Variants in MRC1 observed in about 807,000 individuals in gnomAD.
The protein encoded by MRC1 is mannose receptor C-type 1, also known as macrophage mannose receptor 1.
A neutral mutation model predicts 102.9 loss-of-function variants in MRC1; 62 were observed. That is an observed-to-expected ratio of 0.60 (90% CI 0.49 to 0.74). MRC1 has a LOEUF of 0.74. MRC1 is among the 30% of genes least tolerant of loss of function. The probability of loss-of-function intolerance (pLI) is 0.00; values close to 1 mark genes in which losing one functional copy is unlikely to be tolerated. For missense variants in MRC1, 1,237 were observed against 862.8 expected (o/e 1.43, Z -5.43); for synonymous variants, 457 against 298.4 (o/e 1.53, Z -5.48).
chr10:17,838,755 T>C (rs1838707669), intron 4 of MRC1, among the ~76,000 whole-genome samples: 1 of 152,040 alleles, frequency 6.6e-6, no homozygotes, highest in Non-Finnish European at 1.5e-5. Context: ...GGGAGGATTG[T>C]TAGAGTTCAG....
chr10:17,894,520 C>A, intron 23 of MRC1, among the ~76,000 whole-genome samples: 1 of 151,446 alleles, frequency 6.6e-6, no homozygotes, highest in East Asian at 1.9e-4. Context: ...CTGCTTTAGC[C>A]TCCTGAGTAG....
chr10:17,845,223 T>A lies in MRC1; in HGVS notation c.917-66T>A, dbSNP rs566978141. On this transcript the variant is annotated intron_variant, in intron 5 of 29. Transcript: ENST00000569591. ...CCCAGGATGAAGACATGAGGAGACGTGGGAGGGATGCTATCTGCTGGGAAT... is the reference window on the plus strand; with the variant it reads ...CCCAGGATGAAGACATGAGGAGACGAGGGAGGGATGCTATCTGCTGGGAAT... 5.1e-6 allele frequency: 4 copies of A among 780,546 alleles called. No homozygotes were observed. The African/African-American group carries it at 6.8e-5, about 13-fold the overall frequency. 48.4% of individuals were successfully genotyped at this position (780,546 alleles called of 1,614,324 possible).
chr10:17,863,841 C>T lies in MRC1; in HGVS notation c.1783+159C>T, dbSNP rs1237574864. Among the ~76,000 whole-genome samples, 4 of 151,980 alleles carry T rather than the reference C, an allele frequency of 2.6e-5. No individual in the cohort carries two copies. The East Asian group carries it at 7.7e-4, about 29-fold the overall frequency. On this transcript the variant is annotated intron_variant, in intron 11 of 29. Transcript: ENST00000569591. ...TCTCTTTTCGTTTTTTCTTTTCTTC[C>T]TTTTTTTCTTTTCTAAAAGTTTCCC...
At chr10:17,825,334 A>T (rs1838457368) in intron 2 of MRC1, among the ~76,000 whole-genome samples, 1 of 152,190 alleles carries the variant, frequency 6.6e-6, no homozygotes, top group Non-Finnish European at 1.5e-5. Flanking sequence ...TCAGACTCCA[A>T]GAAGAAGACA....
chr10:17,814,734 G>A (rs1402888999), intron 1 of MRC1, among the ~76,000 whole-genome samples: 2 of 141,410 alleles, frequency 1.4e-5, no homozygotes, highest in Non-Finnish European at 3.0e-5. Flanking sequence ...CGCCCAGGCT[G>A]GAGTGCAGTG....
intron 1 of MRC1, among the ~76,000 whole-genome samples, chr10:17,821,570 A>G (rs1726814034): frequency 1.3e-5 from 2 of 151,960 alleles, no homozygotes; most frequent in African/African-American, 4.8e-5. Context: ...GAGGCAGGAG[A>G]TCTGGAACTA....
In MRC1 at chr10:17,809,522, A is replaced by G; in HGVS notation, c.57A>G (p.Leu19=). The stretch of plus-strand genomic sequence containing the variant: ...CTGTCATTCCGGGTGCTGTTCTCCT[A>G]CTGGGTAAGTCTGCTCTGAGGCAGG... ...FASVIPGAVL[L]LDTRQFLIYN... Residue 19 remains leucine (L), a synonymous_variant, in exon 1 of 30, where the codon CTA becomes CTG. Coordinates refer to ENST00000569591, the MANE Select transcript of MRC1 (RefSeq NM_002438.4). 2.3e-6 allele frequency: 2 copies of G among 872,704 alleles called. No homozygotes were observed. The highest frequency in any genetic ancestry group is 2.0e-6 in the Non-Finnish European group (1 of 501,496). 54.1% of individuals were successfully genotyped at this position (872,704 alleles called of 1,614,324 possible).
At chr10:17,857,330 G>T (rs1283999052) in intron 9 of MRC1, among the ~76,000 whole-genome samples, 3 of 152,148 alleles carry the variant, frequency 2.0e-5, no homozygotes, top group African/African-American at 4.8e-5. Flanking sequence ...CTTTGTTTCA[G>T]TTCCAGCATA....
At chr10:17,903,374 TTTC>T (rs1186647771) in intron 26 of MRC1, among the ~76,000 whole-genome samples, 1 of 146,902 alleles carries the variant, frequency 6.8e-6, no homozygotes, top group Non-Finnish European at 1.5e-5. Context: ...TAATTTTCTT[TTTC>T]TTTTCTTTTT....
chr10:17,901,869 TA>T, intron 25 of MRC1, 103 bp from the exon 26 acceptor site: 2 of 769,078 alleles, frequency 2.6e-6, no homozygotes, highest in Non-Finnish European at 4.8e-6. Context: ...GAAGATTTTT[TA>T]AAATAATGAT....
At chr10:17,813,325 G>A (rs993805945) in intron 1 of MRC1, among the ~76,000 whole-genome samples, 4 of 152,156 alleles carry the variant, frequency 2.6e-5, no homozygotes, top group South Asian at 2.1e-4. Flanking sequence ...TAGACATCAC[G>A]CTAATGGTAT....
At chr10:17,845,571 T>G in intron 6 of MRC1, 136 bp downstream of exon 6, 1 of 716,960 alleles carries the variant, frequency 1.4e-6, no homozygotes. Context: ...ATGATATTAC[T>G]GCAATATTTC....
intron 2 of MRC1, among the ~76,000 whole-genome samples, chr10:17,824,787 A>C (rs1838448650): frequency 1.3e-5 from 2 of 152,084 alleles, no homozygotes; most frequent in African/African-American, 4.8e-5. Context: ...AAGAAATCGG[A>C]TTTTTATTTT....
chr10:17,894,405 T>TCTTTTTTTTTTTTC, intron 23 of MRC1, 93 bp downstream of exon 23: 1 of 680,572 alleles, frequency 1.5e-6, no homozygotes, highest in Non-Finnish European at 2.6e-6. Context: ...TTTTTTTTTT[T>TCTTTTTTTTTTTTC]TTTTTTTTTT....
intron 1 of MRC1, among the ~76,000 whole-genome samples, chr10:17,810,401 C>G (rs1027653148): frequency 6.6e-6 from 1 of 152,164 alleles, no homozygotes; most frequent in African/African-American, 2.4e-5. Context: ...TGCCTACGAT[C>G]TACTCTATGC....
chr10:17,815,432 C>T (rs1027261153), intron 1 of MRC1, among the ~76,000 whole-genome samples: 12 of 152,148 alleles, frequency 7.9e-5, no homozygotes, highest in African/African-American at 2.9e-4. Context: ...TAAGGGGGAT[C>T]TGGGGAGGCT....
intron 1 of MRC1, among the ~76,000 whole-genome samples, chr10:17,810,449 GAGTGTTTT>G (rs1838205196): frequency 6.6e-6 from 1 of 152,168 alleles, no homozygotes; most frequent in Non-Finnish European, 1.5e-5. Flanking sequence ...CCTAGGAAGA[GAGTGTTTT>G]AGTACCGCAA....
intron 24 of MRC1, 63 bp downstream of exon 24, chr10:17,898,329 C>G: frequency 1.3e-6 from 1 of 780,400 alleles, no homozygotes; most frequent in Admixed American, 1.7e-5. Flanking sequence ...ATATGATTAT[C>G]TTTCTGTTTG....
At chr10:17,825,110 G>T (rs904266379) in intron 2 of MRC1, among the ~76,000 whole-genome samples, 3 of 152,074 alleles carry the variant, frequency 2.0e-5, no homozygotes, top group Admixed American at 6.5e-5. Context: ...AGATGATCCT[G>T]CTCCTCAGTT....
Sources: allele counts gnomAD v4.1 joint callset (sites outside exome capture counted in the v4.1 genomes callset), GRCh38; gene constraint gnomAD v4.1.1; transcripts MANE v1.5; gene names NCBI Gene and HGNC (gene_info 2026-07-23, HGNC 2026-07-21).